The following SULT1B1 variants were observed in gnomAD, a reference collection of about 807,000 sequenced individuals.
SULT1B1 encodes sulfotransferase 1B1.
Under a neutral mutation model 34.6 loss-of-function variants are expected in SULT1B1, and 28 were observed. The ratio of observed to expected loss-of-function variants is 0.81; its 90% confidence interval spans 0.60 to 1.11. SULT1B1 has a LOEUF of 1.11. Among genes scored for constraint, SULT1B1 ranks in the 50% least tolerant of loss-of-function variants. The probability of loss-of-function intolerance (pLI) is 0.00; values close to 1 mark genes in which losing one functional copy is unlikely to be tolerated. For synonymous variants in SULT1B1, 147 were observed against 110.2 expected (o/e 1.33, Z -2.09); for missense variants, 374 against 352.2 (o/e 1.06, Z -0.50).
At position 69,730,372 on chromosome 4, in the gene SULT1B1, T is replaced by C. The variant is rs995036991; in HGVS notation, c.778+129A>G. On this transcript the variant is annotated intron_variant, in intron 7 of 7. Transcript: ENST00000310613. The stretch of plus-strand genomic sequence containing the variant: ...AATAATTTTGAATCTCAGCAACTTT[T>C]GGTGGTAGGTATTTGCTATAAAGCT... 1.0e-5 allele frequency: 7 copies of C among 683,322 alleles called. No homozygotes were observed. The East Asian group carries it at 1.4e-4, about 14-fold the overall frequency. 42.3% of individuals were successfully genotyped at this position (683,322 alleles called of 1,614,324 possible). A position where few individuals can be genotyped will look rare whatever the true frequency, so the allele number is the denominator to read the frequency against.
intron 4 of SULT1B1, among the ~76,000 whole-genome samples, chr4:69,745,787 T>C (rs1718726190): frequency 6.6e-6 from 1 of 152,214 alleles, no homozygotes; most frequent in Admixed American, 6.5e-5. Context: ...CTTGATTATG[T>C]AATTGATTTA....
chr4:69,740,582 G>T (rs1218960864), intron 4 of SULT1B1, among the ~76,000 whole-genome samples: 1 of 152,114 alleles, frequency 6.6e-6, no homozygotes, highest in Non-Finnish European at 1.5e-5. Flanking sequence ...ACCATATTAG[G>T]CATCTAGGTT....
chr4:69,735,881 G>C (rs912639098), intron 4 of SULT1B1, among the ~76,000 whole-genome samples: 1 of 152,106 alleles, frequency 6.6e-6, no homozygotes, highest in Non-Finnish European at 1.5e-5. Flanking sequence ...ACCTTCATGA[G>C]AACCAAAAAT....
chr4:69,749,752 A>G lies in SULT1B1; in HGVS notation c.344T>C (p.Leu115Pro). 2 of 1,613,668 alleles carry G rather than the reference A, an allele frequency of 1.2e-6. No homozygotes were observed. Among genetic ancestry groups the G allele is most frequent in the Non-Finnish European group, 1.7e-6 (2 of 1,179,700 alleles). The change falls in exon 4 of 8, where the codon CTT (leucine) becomes CCT (proline). Residue 115 changes from leucine (L) to proline (P), a missense_variant. By Grantham distance (98) the Leu-to-Pro change is moderately conservative (BLOSUM62 -3). Transcript: ENST00000310613. ...IVKTHLPTDL[L>P]PKSFWENNCK... Reference sequence around the variant, plus strand: ...ATTGTTTTCCCAGAAAGATTTAGGAAGAAGATCAGTCGGTAGATGTGTTTT... The same window carrying G: ...ATTGTTTTCCCAGAAAGATTTAGGAGGAAGATCAGTCGGTAGATGTGTTTT...
rs756017821 is a variant in SULT1B1, at chr4:69,726,033, CATATAT to C, written c.*1049_*1054del. On this transcript the variant is annotated 3_prime_UTR_variant, in exon 8 of 8. Transcript: ENST00000310613. ...ACTTAAAGTATAATAATAAAATGTA[CATATAT>C]ATATATATATATATATATATATATA... 0.023 allele frequency: 651 copies of C among 28,920 alleles called. 2 individuals carry two copies. Among genetic ancestry groups the C allele is most frequent in the Non-Finnish European group, 0.035 (415 of 11,944 alleles). 1.8% of individuals were successfully genotyped at this position (28,920 alleles called of 1,614,324 possible).
In SULT1B1 at chr4:69,743,778, G is replaced by C. The variant is rs534591417; in HGVS notation, c.375+5943C>G. Among the ~76,000 whole-genome samples the C allele has an allele frequency of 1.2e-3, 188 of 152,368 alleles. 1 individual carries two copies. The highest frequency in any genetic ancestry group is 7.5e-3 in the South Asian group (36 of 4,830). On this transcript the variant is annotated intron_variant, in intron 4 of 7. Transcript: ENST00000310613. ...TGGGCTATGACAGCACCCGGGCTTGGTGTCAACCATGATCCGAGATTGGAG... is the reference window on the plus strand; with the variant it reads ...TGGGCTATGACAGCACCCGGGCTTGCTGTCAACCATGATCCGAGATTGGAG...
chr4:69,730,099 A>AC, intron 7 of SULT1B1, among the ~76,000 whole-genome samples: 1 of 152,014 alleles, frequency 6.6e-6, no homozygotes, highest in Non-Finnish European at 1.5e-5. Flanking sequence ...TTTCTAAGTG[A>AC]TATGGGGACT....
intron 4 of SULT1B1, among the ~76,000 whole-genome samples, chr4:69,744,020 G>A (rs943644231): frequency 2.6e-5 from 4 of 152,136 alleles, no homozygotes; most frequent in Admixed American, 6.5e-5. Context: ...CATTACTTGC[G>A]CTGCTGTAAC....
At chr4:69,750,984 T>C (rs1342694193) in intron 3 of SULT1B1, among the ~76,000 whole-genome samples, 2 of 152,244 alleles carry the variant, frequency 1.3e-5, no homozygotes, top group African/African-American at 2.4e-5. Flanking sequence ...AATAGGTTGT[T>C]TTTAGCAAGA....
intron 4 of SULT1B1, among the ~76,000 whole-genome samples, chr4:69,740,673 C>T (rs1718512478): frequency 6.6e-6 from 1 of 152,178 alleles, no homozygotes; most frequent in Non-Finnish European, 1.5e-5. Context: ...TATATGCCTT[C>T]AGGTAACTAC....
chr4:69,755,047 A>G, intron 2 of SULT1B1, 23 bp downstream of exon 2: 1 of 1,587,508 alleles, frequency 6.3e-7, no homozygotes, highest in Non-Finnish European at 8.6e-7. Flanking sequence ...TCGGACTTGA[A>G]TTTGTCAGGC....
chr4:69,757,148 G>GT (rs1392841281), intron 1 of SULT1B1, among the ~76,000 whole-genome samples: 4 of 152,002 alleles, frequency 2.6e-5, no homozygotes, highest in Non-Finnish European at 5.9e-5. Flanking sequence ...TTTTAATAAT[G>GT]TTTTTTCATT....
At chr4:69,756,643 T>C (rs1478394171) in intron 1 of SULT1B1, among the ~76,000 whole-genome samples, 1 of 152,162 alleles carries the variant, frequency 6.6e-6, no homozygotes. Flanking sequence ...AACTGAAGCA[T>C]TGCTCTTCCT....
intron 4 of SULT1B1, among the ~76,000 whole-genome samples, chr4:69,743,381 G>A (rs779019938): frequency 1.1e-4 from 17 of 152,268 alleles, no homozygotes; most frequent in Middle Eastern, 3.4e-3. Context: ...AGTCTAGGAC[G>A]TTTTATGGGC....
intron 6 of SULT1B1, 114 bp downstream of exon 6, chr4:69,733,299 A>G (rs1311919887): frequency 3.3e-6 from 2 of 605,742 alleles, no homozygotes; most frequent in East Asian, 6.0e-5. Flanking sequence ...CATGGTGGAT[A>G]GGCAAAGCAA....
rs191420631 is a variant in SULT1B1, at chr4:69,743,061, G to A, written c.375+6660C>T. 2.7e-3 allele frequency among the ~76,000 whole-genome samples: 417 copies of A among 152,316 alleles called. 3 individuals are homozygous for A. Among genetic ancestry groups the A allele is most frequent in the African/African-American group, 9.5e-3 (396 of 41,560 alleles). On this transcript the variant is annotated intron_variant, in intron 4 of 7. Coordinates refer to ENST00000310613, the MANE Select transcript of SULT1B1 (RefSeq NM_014465.4). ...CTCCTAGGTTTGGGCTCCTTGAAGG[G>A]CCACAGGTCTTCTCTCTTTCTCTCT...
intron 5 of SULT1B1, 22 bp from the exon 6 acceptor site, chr4:69,733,529 T>G (rs561530095): frequency 1.3e-6 from 2 of 1,514,428 alleles, no homozygotes; most frequent in Admixed American, 2.1e-5. Flanking sequence ...TAAAAGTCTA[T>G]TTTCATAAAC....
In SULT1B1 at chr4:69,749,724, G is replaced by T. The variant is rs1376084676; in HGVS notation, c.372C>A (p.Cys124Ter). Reference protein sequence around the residue: ...LLPKSFWENNCKMIYLARNAK... With the variant: ...LLPKSFWENN Reference sequence around the variant, plus strand: ...TGACATGGAGTCTGGAGTATACCTTGCAATTGTTTTCCCAGAAAGATTTAG... The same window carrying T: ...TGACATGGAGTCTGGAGTATACCTTTCAATTGTTTTCCCAGAAAGATTTAG... Residue 124 changes from cysteine (C) to a stop codon, truncating the protein, a stop_gained, in exon 4 of 8, where the codon TGC (cysteine) becomes TGA (stop). Transcript: ENST00000310613. LOFTEE classifies it high-confidence loss of function. The T allele has an allele frequency of 6.2e-7, 1 of 1,611,082 alleles. No individual in the cohort carries two copies. The highest frequency in any genetic ancestry group is 8.5e-7 in the Non-Finnish European group (1 of 1,177,420).
intron 3 of SULT1B1, among the ~76,000 whole-genome samples, chr4:69,751,791 T>C (rs750577109): frequency 2.6e-5 from 4 of 152,232 alleles, no homozygotes; most frequent in Non-Finnish European, 5.9e-5. Flanking sequence ...CTCATCTACC[T>C]GATGAACTTC....
Sources: allele counts gnomAD v4.1 joint callset (sites outside exome capture counted in the v4.1 genomes callset), GRCh38; gene constraint gnomAD v4.1.1; transcripts MANE v1.5; gene names NCBI Gene and HGNC (gene_info 2026-07-23, HGNC 2026-07-21).